ACP3: variants seen among roughly 807,000 people sequenced by gnomAD.
ACP3 encodes the protein prostatic acid phosphatase.
ACP3 carries 38 observed loss-of-function variants against 45.6 expected under a neutral mutation model. The ratio of observed to expected loss-of-function variants is 0.83; its 90% CI spans 0.64 to 1.09. The LOEUF (loss-of-function observed/expected upper bound fraction) is 1.09, where lower values mean the gene tolerates loss of function less well. Ranked by LOEUF, ACP3 falls within the 50% of genes least tolerant of loss-of-function variation. The pLI is 0.00. For synonymous variants in ACP3, 162 were observed against 164.7 expected, an observed-to-expected ratio of 0.98 and a Z score of 0.13; for missense variants, 466 against 463.2, an observed-to-expected ratio of 1.01 and a Z score of -0.05.
chr3:132,356,894 CTG>C lies in ACP3; in HGVS notation c.*18_*19del. On this transcript the variant is annotated 3_prime_UTR_variant, in exon 10 of 10. Transcript: ENST00000336375. ...TACAGATTAGTGTGCACAGAGATCT[CTG>C]TAGAAGGAGTAGCTGCCCTTTCTCA... 1 of 1,596,026 alleles carries C rather than the reference CTG, an allele frequency of 6.3e-7. No individual in the cohort carries two copies. The highest frequency in any genetic ancestry group is 8.6e-7 in the Non-Finnish European group (1 of 1,167,834).
At chr3:132,318,780 T>G (rs1264525802) in intron 1 of ACP3, among the ~76,000 whole-genome samples, 1 of 152,210 alleles carries the variant, frequency 6.6e-6, no homozygotes, top group Non-Finnish European at 1.5e-5. Flanking sequence ...GTAGTTTTCT[T>G]GCTAACATGT....
chr3:132,356,700 A>G lies in ACP3; in HGVS notation c.983A>G (p.Glu328Gly), dbSNP rs1264625147. The G allele has an allele frequency of 6.2e-7, 1 of 1,614,034 alleles. No homozygotes were observed. The highest frequency in any genetic ancestry group is 1.7e-5 in the Admixed American group (1 of 60,014). Residue 328 changes from glutamate to glycine, a missense_variant, in exon 10 of 10, where the codon GAG becomes GGG. By Grantham distance (98) the Glu-to-Gly change is moderately conservative (BLOSUM62 -2). Coordinates refer to ENST00000336375, the MANE Select transcript of ACP3 (RefSeq NM_001099.5). Reference sequence around the variant, plus strand: ...TTGTCTGCCAGGGAGTACTTTGTGGAGATGTACTATCGGAATGAGACGCAG... The same window carrying G: ...TTGTCTGCCAGGGAGTACTTTGTGGGGATGTACTATCGGAATGAGACGCAG... ...LYFEKGEYFV[E>G]MYYRNETQHE...
At chr3:132,352,060 G>A (rs1200345257) in intron 8 of ACP3, among the ~76,000 whole-genome samples, 1 of 152,134 alleles carries the variant, frequency 6.6e-6, no homozygotes, top group Non-Finnish European at 1.5e-5. Flanking sequence ...GCATTAATGT[G>A]TTTCAAAATA....
At chr3:132,351,285 T>C (rs1237022354) in intron 8 of ACP3, among the ~76,000 whole-genome samples, 1 of 152,194 alleles carries the variant, frequency 6.6e-6, no homozygotes, top group Non-Finnish European at 1.5e-5. Flanking sequence ...GGCTTTCATC[T>C]TGGAGAAGCC....
intron 1 of ACP3, 111 bp downstream of exon 1, chr3:132,317,687 C>T: frequency 1.6e-6 from 2 of 1,252,254 alleles, no homozygotes; most frequent in East Asian, 2.7e-5. Flanking sequence ...AGAGACCAGG[C>T]TCTGTTCAAA....
chr3:132,362,109 C>A (rs946012504), downstream of ACP3, among the ~76,000 whole-genome samples: 4 of 152,120 alleles, frequency 2.6e-5, no homozygotes, highest in Non-Finnish European at 5.9e-5. Context: ...TATGTCCACC[C>A]TTCTGTCATC....
chr3:132,322,899 G>C (rs1937230973), intron 1 of ACP3, among the ~76,000 whole-genome samples: 1 of 152,176 alleles, frequency 6.6e-6, no homozygotes. Context: ...AAGTGGGTGA[G>C]TTATCATGTC....
chr3:132,356,059 TG>T (rs1937887809), intron 9 of ACP3, among the ~76,000 whole-genome samples: 1 of 152,314 alleles, frequency 6.6e-6, no homozygotes, highest in African/African-American at 2.4e-5. Flanking sequence ...AATAGTACAT[TG>T]TTTTTTTGAG....
intron 1 of ACP3, among the ~76,000 whole-genome samples, chr3:132,325,536 T>C (rs1470972754): frequency 6.6e-6 from 1 of 150,892 alleles, no homozygotes; most frequent in Non-Finnish European, 1.5e-5. Context: ...ATAATATACA[T>C]AGTTCACAGT....
intron 4 of ACP3, among the ~76,000 whole-genome samples, chr3:132,337,134 T>C (rs985737095): frequency 1.3e-5 from 2 of 150,284 alleles, no homozygotes; most frequent in Admixed American, 1.3e-4. Context: ...ATGAAAGTGA[T>C]TGGGAAGGAA....
chr3:132,354,551 A>T (rs1559842619), intron 9 of ACP3, among the ~76,000 whole-genome samples: 2 of 152,146 alleles, frequency 1.3e-5, no homozygotes, highest in Admixed American at 6.5e-5. Flanking sequence ...TTAAATTAGG[A>T]TCAAGGAGGC....
intron 1 of ACP3, among the ~76,000 whole-genome samples, chr3:132,319,219 T>A (rs1189773373): frequency 6.6e-6 from 1 of 152,226 alleles, no homozygotes; most frequent in Non-Finnish European, 1.5e-5. Flanking sequence ...CCAATAAACA[T>A]CAGTTTCTTA....
In ACP3 at chr3:132,357,367, G is replaced by A; in HGVS notation, c.*489G>A. 5 of 985,484 alleles carry A rather than the reference G, an allele frequency of 5.1e-6. No homozygotes were observed. Among genetic ancestry groups the A allele is most frequent in the Non-Finnish European group, 6.0e-6 (5 of 829,996 alleles). The allele number at this position is 985,484 out of a possible 1,614,324, so 61.0% of individuals were successfully genotyped here. A position where few individuals can be genotyped will look rare whatever the true frequency, so the allele number is the denominator to read the frequency against. Reference sequence around the variant, plus strand: ...GGGCAAAAAACCAATTTACCCATCAGTTCCAGCCTTCTCTCAAGGAGAGGC... The same window carrying A: ...GGGCAAAAAACCAATTTACCCATCAATTCCAGCCTTCTCTCAAGGAGAGGC... On this transcript the variant is annotated 3_prime_UTR_variant, in exon 10 of 10. Coordinates refer to ENST00000336375, the MANE Select transcript of ACP3 (RefSeq NM_001099.5).
chr3:132,347,072 C>T (rs1033352510), intron 7 of ACP3, among the ~76,000 whole-genome samples: 2 of 152,236 alleles, frequency 1.3e-5, no homozygotes, highest in Non-Finnish European at 1.5e-5. Flanking sequence ...GAAGCCACTT[C>T]CCCTCTCTGG....
At chr3:132,367,424 AG>A (rs1165960669) in intron 10 of ACP3, among the ~76,000 whole-genome samples, 2 of 152,238 alleles carry the variant, frequency 1.3e-5, no homozygotes, top group East Asian at 3.8e-4. Context: ...GCATAAAGTT[AG>A]TGCTATAAGA....
chr3:132,362,676 A>G (rs1194727033), downstream of ACP3, among the ~76,000 whole-genome samples: 1 of 152,240 alleles, frequency 6.6e-6, no homozygotes, highest in Non-Finnish European at 1.5e-5. Context: ...GTGATGTTCA[A>G]ACTGAAACCT....
Position 132,345,054 on chromosome 3 carries a change from A to T in ACP3, c.776A>T (p.Gln259Leu). 1 of 1,612,916 alleles carries T rather than the reference A, an allele frequency of 6.2e-7. No individual in the cohort carries two copies. The highest frequency in any genetic ancestry group is 8.5e-7 in the Non-Finnish European group (1 of 1,179,412). Residue 259 changes from glutamine (Q) to leucine (L), a missense_variant, in exon 7 of 10, where the codon CAA becomes CTA. Coordinates refer to ENST00000336375, the MANE Select transcript of ACP3 (RefSeq NM_001099.5). ...IHKQKEKSRL[Q>L]GGVLVNEILN... ...AAGCAGAAAGAGAAATCTAGGCTCC[A>T]AGGGGGTAAGTATTAAAAAATGAGA...
chr3:132,368,125 A>ATT, exon 11 of ACP3: 1 of 223,646 alleles, frequency 4.5e-6, no homozygotes. Flanking sequence ...ATAAGAAGCC[A>ATT]AACTCCAATC....
At chr3:132,337,063 GGTGT>G (rs113543420) in intron 4 of ACP3, among the ~76,000 whole-genome samples, 12,626 of 144,824 alleles carry the variant, frequency 0.087, 708 homozygotes, top group African/African-American at 0.17. Context: ...CATGCGTTGG[GGTGT>G]GTGTGTGTGT....
Sources: allele counts gnomAD v4.1 joint callset (sites outside exome capture counted in the v4.1 genomes callset), GRCh38; gene constraint gnomAD v4.1.1; transcripts MANE v1.5; gene names NCBI Gene and HGNC (gene_info 2026-07-23, HGNC 2026-07-21).